The following RNF220 variants were observed in gnomAD, a reference collection of about 807,000 sequenced individuals.
RNF220 encodes the protein E3 ubiquitin-protein ligase RNF220.
In RNF220, 7 loss-of-function variants were observed where a neutral mutation model predicts 67.1. The observed-to-expected ratio is 0.10, with a 90% CI of 0.06 to 0.20. RNF220 has a LOEUF of 0.20. Among genes scored for constraint, RNF220 ranks in the 10% least tolerant of loss-of-function variants. The pLI, the probability that RNF220 is intolerant of heterozygous loss-of-function variation, is 1.00. For missense variants in RNF220, 565 were observed against 740.3 expected (o/e 0.76, Z 2.75); for synonymous variants, 270 against 283.2 (o/e 0.95, Z 0.47).
At chr1:44,500,147 G>T (rs539405752) in intron 2 of RNF220, among the ~76,000 whole-genome samples, 1 of 152,140 alleles carries the variant, frequency 6.6e-6, no homozygotes, top group Non-Finnish European at 1.5e-5. Flanking sequence ...CTTGCCATTC[G>T]TTCAAAGTAA....
intron 2 of RNF220, among the ~76,000 whole-genome samples, chr1:44,507,209 C>T (rs1331031647): frequency 1.3e-5 from 2 of 152,198 alleles, no homozygotes; most frequent in Non-Finnish European, 2.9e-5. Flanking sequence ...AGCCAAAACC[C>T]CTTCTTCTGC....
At chr1:44,582,756 C>CA (rs1052505002) in intron 2 of RNF220, among the ~76,000 whole-genome samples, 4,399 of 68,394 alleles carry the variant, frequency 0.064, 108 homozygotes, top group African/African-American at 0.07. Context: ...GACTACATCT[C>CA]AAAAAAAAAA....
chr1:44,544,956 C>A (rs1169080843), intron 2 of RNF220, among the ~76,000 whole-genome samples: 2 of 152,196 alleles, frequency 1.3e-5, no homozygotes, highest in African/African-American at 4.8e-5. Flanking sequence ...TGAGTTAATG[C>A]AACCAGGAAA....
At chr1:44,494,680 G>T (rs1388894434) in intron 2 of RNF220, among the ~76,000 whole-genome samples, 2 of 152,058 alleles carry the variant, frequency 1.3e-5, no homozygotes, top group African/African-American at 2.4e-5. Flanking sequence ...AAAAATATCT[G>T]CAAAAGAAAC....
chr1:44,595,086 T>G (rs1666381530), intron 2 of RNF220, among the ~76,000 whole-genome samples: 1 of 152,136 alleles, frequency 6.6e-6, no homozygotes. Flanking sequence ...AGGAGCTTGG[T>G]AGAAATGCAA....
Position 44,622,690 on chromosome 1 carries a change from A to G in RNF220, c.759-52A>G. On this transcript the variant is annotated intron_variant, in intron 3 of 14. Coordinates refer to ENST00000361799, the MANE Select transcript of RNF220 (RefSeq NM_018150.4). This position sits in a 1 kb window ranked among gnomAD's most constrained non-coding sequence, Gnocchi z 4.3. ...GGTCTTCTTGCTACTCTACCGTTGC[A>G]TGCCCTGGGCAGCAGGTAGAATGGT... is the stretch of plus-strand genomic sequence containing the variant. The G allele has an allele frequency of 6.5e-7, 1 of 1,536,754 alleles. No individual in the cohort carries two copies. The highest frequency in any genetic ancestry group is 1.7e-4 in the Middle Eastern group (1 of 5,910).
At chr1:44,612,054 G>A (rs1324019971) in intron 2 of RNF220, among the ~76,000 whole-genome samples, 1 of 152,208 alleles carries the variant, frequency 6.6e-6, no homozygotes, top group Non-Finnish European at 1.5e-5. Context: ...ATCTGCTGCT[G>A]TTACTCAGAG....
intron 2 of RNF220, among the ~76,000 whole-genome samples, chr1:44,511,904 A>AGCGTGTGT (rs1326095954): frequency 3.2e-5 from 3 of 92,954 alleles, no homozygotes; most frequent in East Asian, 2.6e-4. Context: ...AAAATTGAGA[A>AGCGTGTGT]GCGTGTGTGT....
rs773026242 is a variant in RNF220 at position 44,645,025 on chromosome 1, A to G, written c.1254A>G (p.Thr418=). ...CAGAGGCTGATGTCATCCCCTGCAC[A>G]GGCGAGGAGCCTGGTGAAGCCAAGG... ...QYTEADVIPC[T]GEEPGEAKER... The change falls in exon 10 of 15, where the codon ACA becomes ACG. Residue 418 remains threonine (T), a synonymous_variant. Coordinates refer to ENST00000361799, the MANE Select transcript of RNF220 (RefSeq NM_018150.4). The surrounding 1 kb of genome is among the most constrained non-coding windows in gnomAD (Gnocchi z 5.0). 23 of 1,614,002 alleles carry G rather than the reference A, an allele frequency of 1.4e-5. No homozygotes were observed. In the East Asian group the frequency reaches 4.7e-4, roughly 33 times the overall value.
chr1:44,511,008 C>T (rs1052746316), intron 2 of RNF220, among the ~76,000 whole-genome samples: 1 of 152,186 alleles, frequency 6.6e-6, no homozygotes, highest in South Asian at 2.1e-4. Flanking sequence ...AGAACACTCT[C>T]GCAGTGGGGG....
chr1:44,484,093 C>T (rs761257573), intron 2 of RNF220, among the ~76,000 whole-genome samples: 1 of 152,048 alleles, frequency 6.6e-6, no homozygotes, highest in Non-Finnish European at 1.5e-5. Flanking sequence ...GAGGTGGGGT[C>T]GAGGCATCTC....
intron 2 of RNF220, among the ~76,000 whole-genome samples, chr1:44,552,637 C>G (rs1042225919): frequency 8.0e-6 from 1 of 125,760 alleles, no homozygotes; most frequent in Non-Finnish European, 1.6e-5. Context: ...GTTGCGCAAT[C>G]TCGGCTCCCT....
chr1:44,553,732 C>T (rs1221183723), intron 2 of RNF220, among the ~76,000 whole-genome samples: 1 of 152,156 alleles, frequency 6.6e-6, no homozygotes, highest in East Asian at 1.9e-4. Context: ...GCCTGCTATA[C>T]TAGTCAGTGT....
At chr1:44,580,861 G>A (rs1665223771) in intron 2 of RNF220, among the ~76,000 whole-genome samples, 4 of 152,220 alleles carry the variant, frequency 2.6e-5, no homozygotes, top group South Asian at 4.1e-4. Context: ...CCAGGAGACT[G>A]AGGAGTGGAC....
At chr1:44,551,684 G>GA (rs60104648) in intron 2 of RNF220, among the ~76,000 whole-genome samples, 3 of 151,902 alleles carry the variant, frequency 2.0e-5, no homozygotes, top group African/African-American at 2.4e-5. Flanking sequence ...AGCCAAAGGG[G>GA]AAAAAAAATC....
chr1:44,506,881 G>T (rs1247308835), intron 2 of RNF220, among the ~76,000 whole-genome samples: 1 of 152,170 alleles, frequency 6.6e-6, no homozygotes. Flanking sequence ...ATCAAAAGTA[G>T]CTAATGAGTG....
At chr1:44,633,371 C>T (rs773892569) in intron 6 of RNF220, among the ~76,000 whole-genome samples, 16 of 152,174 alleles carry the variant, frequency 1.1e-4, no homozygotes, top group Non-Finnish European at 1.6e-4. Context: ...CACCAAAGCC[C>T]GTGTTTCTCC....
At chr1:44,476,201 T>C (rs1266849347) in intron 2 of RNF220, among the ~76,000 whole-genome samples, 4 of 151,938 alleles carry the variant, frequency 2.6e-5, no homozygotes, top group African/African-American at 9.7e-5. Context: ...GTGGGTGGGA[T>C]GGGGAAGTAG....
chr1:44,645,977 C>T lies in RNF220; in HGVS notation c.1445+489C>T, dbSNP rs1344579657. Among the ~76,000 whole-genome samples, 2 of 152,228 alleles carry T rather than the reference C, an allele frequency of 1.3e-5. No individual in the cohort carries two copies. The highest frequency in any genetic ancestry group is 4.8e-5 in the African/African-American group (2 of 41,464). ...GGAAAAGGGATCCATTAGCACTTTGCCCAGGGCTGAGCAACCCCTGGCCTG... is the reference window on the plus strand; with the variant it reads ...GGAAAAGGGATCCATTAGCACTTTGTCCAGGGCTGAGCAACCCCTGGCCTG... On this transcript the variant is annotated intron_variant, in intron 12 of 14. Coordinates refer to ENST00000361799, the MANE Select transcript of RNF220 (RefSeq NM_018150.4). The surrounding 1 kb of genome is among the most constrained non-coding windows in gnomAD (Gnocchi z 5.0).
Sources: allele counts gnomAD v4.1 joint callset (sites outside exome capture counted in the v4.1 genomes callset), GRCh38; gene constraint gnomAD v4.1.1; non-coding constraint Gnocchi (gnomAD v3.1); transcripts MANE v1.5; gene names NCBI Gene and HGNC (gene_info 2026-07-23, HGNC 2026-07-21).